JMJD1C: variants seen among roughly 807,000 people sequenced by gnomAD.
JMJD1C encodes the protein jumonji domain-containing protein 1C.
In JMJD1C, 31 loss-of-function variants were observed where a neutral mutation model predicts 245.3. That is an observed-to-expected ratio of 0.13 (90% CI 0.09 to 0.17). JMJD1C has a LOEUF of 0.17. JMJD1C is among the 10% of genes least tolerant of loss of function. The pLI, the probability that JMJD1C is intolerant of heterozygous loss-of-function variation, is 1.00. For synonymous variants in JMJD1C, 1,057 were observed against 1,017.4 expected (o/e 1.04, Z -0.74); for missense variants, 2,691 against 3,000.2 (o/e 0.90, Z 2.41).
chr10:63,183,121 A>G (rs1256348019), intron 22 of JMJD1C, among the ~76,000 whole-genome samples: 1 of 152,216 alleles, frequency 6.6e-6, no homozygotes, highest in Non-Finnish European at 1.5e-5. Context: ...TTGGCCTCCC[A>G]AAGTACTGAG....
intron 3 of JMJD1C, among the ~76,000 whole-genome samples, chr10:63,226,747 G>A (rs1281912338): frequency 1.4e-5 from 2 of 140,518 alleles, no homozygotes; most frequent in Non-Finnish European, 3.1e-5. Context: ...AGAGAGAGAA[G>A]GACATGATGG....
At position 63,192,394 on chromosome 10, in the gene JMJD1C, G is replaced by A. The variant is rs143997533; in HGVS notation, c.6076+544C>T. ...AGACCAGCCTGGTCAACATGGTGAC[G>A]CCCTGTCTCTACTAAAAATATACAC... is the stretch of plus-strand genomic sequence containing the variant. On this transcript the variant is annotated intron_variant, in intron 16 of 25. Transcript: ENST00000399262. 3.3e-3 allele frequency among the ~76,000 whole-genome samples: 502 copies of A among 151,734 alleles called. 3 individuals are homozygous for A. The highest frequency in any genetic ancestry group is 0.012 in the African/African-American group (481 of 41,350).
intron 2 of JMJD1C, among the ~76,000 whole-genome samples, chr10:63,337,306 G>C (rs905553918): frequency 6.6e-5 from 10 of 151,016 alleles, no homozygotes; most frequent in Non-Finnish European, 1.5e-4. Flanking sequence ...GCCGGGCGTG[G>C]TGGCACACGC....
intron 2 of JMJD1C, among the ~76,000 whole-genome samples, chr10:63,277,731 C>CTTTTTTTTTTTTTTTTTTTTTTTTTTTTT (rs35442695): frequency 6.2e-5 from 4 of 64,272 alleles, no homozygotes; most frequent in African/African-American, 2.1e-4. Context: ...ATTTGCATTT[C>CTTTTTTTTTTTTTTTTTTTTTTTTTTTTT]TTTTTTTTTT....
intron 1 of JMJD1C, among the ~76,000 whole-genome samples, chr10:63,458,128 T>C (rs1401462493): frequency 6.6e-6 from 1 of 152,200 alleles, no homozygotes; most frequent in Non-Finnish European, 1.5e-5. Context: ...TAAAGACCAG[T>C]TGTAAAACTA....
intron 2 of JMJD1C, among the ~76,000 whole-genome samples, chr10:63,373,691 A>T (rs1186302709): frequency 6.6e-6 from 1 of 152,242 alleles, no homozygotes; most frequent in Non-Finnish European, 1.5e-5. Context: ...ACAAAGTATT[A>T]GTTTCTACTG....
chr10:63,296,700 A>G (rs776175653), intron 2 of JMJD1C, among the ~76,000 whole-genome samples: 1 of 152,224 alleles, frequency 6.6e-6, no homozygotes, highest in South Asian at 2.1e-4. Context: ...TTTGGGTTAC[A>G]AATAATTTTT....
At chr10:63,427,709 G>T in intron 1 of JMJD1C, 2 of 1,323,340 alleles carry the variant, frequency 1.5e-6, no homozygotes, top group East Asian at 4.6e-5. Flanking sequence ...AGCTTATTTG[G>T]TGTCTCCAGA....
At chr10:63,435,277 A>C (rs2132876367) in intron 1 of JMJD1C, among the ~76,000 whole-genome samples, 1 of 152,276 alleles carries the variant, frequency 6.6e-6, no homozygotes, top group South Asian at 2.1e-4. Context: ...TCCACAAACA[A>C]AATCTCCTGC....
intron 17 of JMJD1C, 151 bp from the exon 18 acceptor site, chr10:63,189,597 T>C (rs1844518884): frequency 2.8e-6 from 2 of 704,552 alleles, no homozygotes; most frequent in Non-Finnish European, 4.6e-6. Flanking sequence ...CCTGACAAAA[T>C]GCAAACCAGA....
intron 2 of JMJD1C, chr10:63,380,109 T>A (rs1349719404): frequency 2.7e-6 from 1 of 369,414 alleles, no homozygotes; most frequent in Non-Finnish European, 5.0e-6. Context: ...CCAGCTATTT[T>A]TTTTTTTTTT....
At chr10:63,351,658 TC>T (rs1461140484) in intron 2 of JMJD1C, among the ~76,000 whole-genome samples, 2 of 152,128 alleles carry the variant, frequency 1.3e-5, no homozygotes, top group African/African-American at 2.4e-5. Context: ...CACCCTCTGT[TC>T]ATGCAAAGAA....
intron 1 of JMJD1C, among the ~76,000 whole-genome samples, chr10:63,517,419 C>T (rs1002112988): frequency 6.6e-6 from 1 of 152,062 alleles, no homozygotes; most frequent in African/African-American, 2.4e-5. Context: ...CAGTATCATC[C>T]CCATATTCAA....
intron 2 of JMJD1C, among the ~76,000 whole-genome samples, chr10:63,302,643 T>C (rs1237772870): frequency 6.6e-6 from 1 of 152,216 alleles, no homozygotes; most frequent in Non-Finnish European, 1.5e-5. Context: ...ATAAAAATCT[T>C]ATGTCAGTAT....
intron 1 of JMJD1C, among the ~76,000 whole-genome samples, chr10:63,409,894 A>C (rs1484563347): frequency 3.9e-5 from 6 of 152,076 alleles, no homozygotes. Context: ...CTCAGACTCC[A>C]GGATTAACTT....
rs189883896 is a variant in JMJD1C, at chr10:63,434,810, G to A, written c.168+30685C>T. 2.2e-3 allele frequency among the ~76,000 whole-genome samples: 335 copies of A among 152,190 alleles called. 1 individual carries two copies. The highest frequency in any genetic ancestry group is 7.8e-3 in the African/African-American group (324 of 41,516). Reference sequence around the variant, plus strand: ...AAACAAACTGAAAGAATGAGAGAGTGAAATTCTCTAAGTTCACCTGAGTTT... The same window carrying A: ...AAACAAACTGAAAGAATGAGAGAGTAAAATTCTCTAAGTTCACCTGAGTTT... On this transcript the variant is annotated intron_variant, in intron 1 of 25. Transcript: ENST00000399262.
At chr10:63,187,415 A>T (rs1318910384) in intron 18 of JMJD1C, among the ~76,000 whole-genome samples, 1 of 152,228 alleles carries the variant, frequency 6.6e-6, no homozygotes, top group Non-Finnish European at 1.5e-5. Context: ...AATTCAAAGC[A>T]GAAATCTTAG....
chr10:63,176,523 A>T, intron 23 of JMJD1C, 50 bp from the exon 24 acceptor site: 1 of 1,339,004 alleles, frequency 7.5e-7, no homozygotes, highest in Non-Finnish European at 1.0e-6. Context: ...GGAAATGGTA[A>T]ATCCTGTTCA....
Position 63,214,004 on chromosome 10 carries a change from C to A in JMJD1C, c.2163G>T (p.Gly721=). ...FTVYRDPALI[G]SETGANHISP... ...AAATATGATTAGCTCCTGTTTCTGA[C>A]CCAATAAGTGCAGGATCTCTGTAAA... Residue 721 remains glycine, a synonymous_variant, in exon 8 of 26, where the codon GGG becomes GGT. Transcript: ENST00000399262. 2 of 1,614,136 alleles carry A rather than the reference C, an allele frequency of 1.2e-6. No homozygotes were observed. Among genetic ancestry groups the A allele is most frequent in the Non-Finnish European group, 1.7e-6 (2 of 1,180,018 alleles).
Sources: gnomAD v4.1 joint callset for allele counts (sites outside exome capture counted in the v4.1 genomes callset) on GRCh38, gnomAD v4.1.1 for gene constraint, MANE v1.5 for transcripts, NCBI Gene and HGNC (gene_info 2026-07-23, HGNC 2026-07-21) for gene names.